Variants in RANBP2 observed in about 807,000 individuals in gnomAD.
RANBP2 encodes the protein E3 SUMO-protein ligase RanBP2.
RANBP2 carries 57 observed loss-of-function variants against 303.6 expected under a neutral mutation model. The observed-to-expected ratio is 0.19, with a 90% confidence interval of 0.15 to 0.23. The LOEUF is 0.23. Among genes scored for constraint, RANBP2 ranks in the 10% least tolerant of loss-of-function variants. The pLI, the probability that RANBP2 is intolerant of heterozygous loss-of-function variation, is 1.00. For missense variants in RANBP2, 3,138 were observed against 3,780.8 expected, an observed-to-expected ratio of 0.83 and a Z score of 4.46; for synonymous variants, 1,167 against 1,301.5, an observed-to-expected ratio of 0.90 and a Z score of 2.23.
the RANBP2 span, among the ~76,000 whole-genome samples, chr2:109,073,090 A>G: frequency 1.3e-5 from 2 of 152,170 alleles, no homozygotes; most frequent in African/African-American, 2.4e-5. Context: ...AACTGACCCA[A>G]ACAGAATGGA....
chr2:108,737,489 C>T (rs959141819), intron 6 of RANBP2, among the ~76,000 whole-genome samples: 4 of 151,208 alleles, frequency 2.6e-5, no homozygotes, highest in African/African-American at 9.7e-5. Flanking sequence ...CAGGCGCACA[C>T]CACCATACCC....
chr2:109,460,229 T>A, the RANBP2 span, among the ~76,000 whole-genome samples: 2 of 152,190 alleles, frequency 1.3e-5, no homozygotes, highest in Admixed American at 1.3e-4. Flanking sequence ...GCAGAAGCAT[T>A]GTGTGTAGGG....
chr2:109,719,579 G>A, the RANBP2 span, among the ~76,000 whole-genome samples: 1 of 151,584 alleles, frequency 6.6e-6, no homozygotes, highest in Non-Finnish European at 1.5e-5. Flanking sequence ...GCTTATTTTT[G>A]TATTTTTAGT....
chr2:108,988,993 C>G, the RANBP2 span: 1 of 152,262 alleles, frequency 6.6e-6, no homozygotes, highest in African/African-American at 2.4e-5. Flanking sequence ...TCAGTCCCAG[C>G]AGAAGATGGG....
the RANBP2 span, among the ~76,000 whole-genome samples, chr2:109,213,522 A>G: frequency 6.6e-6 from 1 of 152,214 alleles, no homozygotes; most frequent in Non-Finnish European, 1.5e-5. Flanking sequence ...CATATCTGCC[A>G]TCTGAAGCCT....
chr2:109,240,806 T>C, the RANBP2 span, among the ~76,000 whole-genome samples: 2 of 152,088 alleles, frequency 1.3e-5, no homozygotes, highest in Non-Finnish European at 2.9e-5. Flanking sequence ...TTCTCTTCTC[T>C]TCTAAGGTTA....
chr2:109,662,396 C>G, the RANBP2 span, among the ~76,000 whole-genome samples: 1 of 152,210 alleles, frequency 6.6e-6, no homozygotes, highest in East Asian at 1.9e-4. Context: ...AAAGGATTCT[C>G]CTGCCTCAGC....
intron 7 of RANBP2, among the ~76,000 whole-genome samples, chr2:108,743,041 G>A (rs1175818209): frequency 3.3e-5 from 5 of 152,160 alleles, no homozygotes; most frequent in African/African-American, 1.2e-4. Flanking sequence ...CGCCCACCTT[G>A]GCCTCCCAAA....
intron 25 of RANBP2, 66 bp from the exon 26 acceptor site, chr2:108,781,203 A>G (rs980279353): frequency 1.3e-4 from 189 of 1,500,332 alleles, no homozygotes; most frequent in Non-Finnish European, 1.5e-4. Flanking sequence ...GATTGATAAA[A>G]TAAGAGGGGG....
the RANBP2 span, among the ~76,000 whole-genome samples, chr2:109,250,084 G>T: frequency 6.8e-6 from 1 of 148,102 alleles, no homozygotes; most frequent in Non-Finnish European, 1.5e-5. Context: ...AAAACAGTAG[G>T]TGTTCCTTTT....
chr2:109,650,490 C>T, the RANBP2 span, among the ~76,000 whole-genome samples: 1 of 152,150 alleles, frequency 6.6e-6, no homozygotes. Context: ...GGAGACCGGG[C>T]AGGGGTCCCA....
At chr2:108,927,260 G>T in the RANBP2 span, among the ~76,000 whole-genome samples, 36 of 152,300 alleles carry the variant, frequency 2.4e-4, no homozygotes, top group South Asian at 7.0e-3. Flanking sequence ...TGCTGAGAGT[G>T]GTGTGGACTG....
the RANBP2 span, among the ~76,000 whole-genome samples, chr2:109,505,092 C>T: frequency 2.6e-5 from 4 of 152,216 alleles, no homozygotes; most frequent in Non-Finnish European, 2.9e-5. Context: ...GTCTCTCTGG[C>T]CCTTGGGGCG....
At chr2:108,921,822 G>A in the RANBP2 span, among the ~76,000 whole-genome samples, 2 of 152,236 alleles carry the variant, frequency 1.3e-5, no homozygotes. Context: ...TGGGCAAGCC[G>A]AGGTCTGGGG....
chr2:109,533,374 A>G, the RANBP2 span, among the ~76,000 whole-genome samples: 7 of 152,194 alleles, frequency 4.6e-5, no homozygotes, highest in African/African-American at 1.7e-4. Flanking sequence ...TCTTTAAAAG[A>G]AGTACTAGAC....
chr2:108,831,525 G>T, the RANBP2 span, among the ~76,000 whole-genome samples: 1 of 152,172 alleles, frequency 6.6e-6, no homozygotes, highest in African/African-American at 2.4e-5. Context: ...ATGAAAATAT[G>T]AAATGGCTAG....
the RANBP2 span, among the ~76,000 whole-genome samples, chr2:108,975,470 T>C: frequency 6.6e-6 from 1 of 152,092 alleles, no homozygotes; most frequent in African/African-American, 2.4e-5. Flanking sequence ...GCGTCTACTT[T>C]AACCTGGGAC....
the RANBP2 span, among the ~76,000 whole-genome samples, chr2:108,994,218 A>C: frequency 4.6e-5 from 7 of 152,230 alleles, no homozygotes; most frequent in African/African-American, 1.7e-4. Context: ...GGTCACATAA[A>C]GGAAGGACCA....
chr2:108,742,654 A>G (rs186802538), intron 7 of RANBP2, among the ~76,000 whole-genome samples: 1 of 152,164 alleles, frequency 6.6e-6, no homozygotes, highest in African/African-American at 2.4e-5. Context: ...GTTAAGTGCT[A>G]ATATTTGCTC....
Sources: allele counts gnomAD v4.1 joint callset (sites outside exome capture counted in the v4.1 genomes callset), GRCh38; gene constraint gnomAD v4.1.1; transcripts MANE v1.5; gene names NCBI Gene and HGNC (gene_info 2026-07-23, HGNC 2026-07-21).